Variants in BTBD8 observed in about 807,000 individuals in gnomAD.
The protein encoded by BTBD8 is BTB/POZ domain-containing protein 8.
In BTBD8, 110 loss-of-function variants were observed where a neutral mutation model predicts 162.9. The observed-to-expected ratio is 0.68, with a 90% CI of 0.58 to 0.79. The LOEUF is 0.79. Among genes scored for constraint, BTBD8 ranks in the 30% least tolerant of loss-of-function variants. The pLI, the probability that BTBD8 is intolerant of heterozygous loss-of-function variation, is 0.00. For synonymous variants in BTBD8, 667 were observed against 716.1 expected (o/e 0.93, Z 1.10); for missense variants, 1,905 against 2,085.4 (o/e 0.91, Z 1.68).
intron 9 of BTBD8, among the ~76,000 whole-genome samples, chr1:92,165,675 G>T (rs1352883261): frequency 1.3e-5 from 2 of 152,154 alleles, no homozygotes; most frequent in African/African-American, 2.4e-5. Flanking sequence ...TGATTCTTCT[G>T]CTGGTCTTGC....
At chr1:92,154,005 G>T (rs1244011298) in intron 9 of BTBD8, among the ~76,000 whole-genome samples, 4 of 152,176 alleles carry the variant, frequency 2.6e-5, no homozygotes, top group Non-Finnish European at 5.9e-5. Flanking sequence ...CATCCCCATG[G>T]TGATGAGTGA....
chr1:92,126,762 C>T (rs375937666), intron 4 of BTBD8, among the ~76,000 whole-genome samples: 2 of 152,164 alleles, frequency 1.3e-5, no homozygotes, highest in South Asian at 4.1e-4. Flanking sequence ...CAGATCCCAG[C>T]ATCAGTTGAA....
At chr1:92,164,147 CTT>C (rs1193358574) in intron 9 of BTBD8, among the ~76,000 whole-genome samples, 2 of 152,148 alleles carry the variant, frequency 1.3e-5, no homozygotes, top group Non-Finnish European at 2.9e-5. Context: ...CAAAGTATGA[CTT>C]TTTAAAATTT....
At chr1:92,102,396 C>T in intron 2 of BTBD8, 77 bp from the exon 3 acceptor site, 1 of 1,131,554 alleles carries the variant, frequency 8.8e-7, no homozygotes, top group Non-Finnish European at 1.2e-6. Flanking sequence ...GAAAGTAGCA[C>T]ACTAAGGAAA....
chr1:92,169,046 G>GCTGT, intron 12 of BTBD8, 51 bp downstream of exon 12: 1 of 1,441,962 alleles, frequency 6.9e-7, no homozygotes, highest in South Asian at 1.5e-5. Flanking sequence ...CATTGTGACA[G>GCTGT]CAGATATTTT....
intron 9 of BTBD8, among the ~76,000 whole-genome samples, chr1:92,160,935 C>T (rs538071595): frequency 6.6e-6 from 1 of 152,284 alleles, no homozygotes; most frequent in African/African-American, 2.4e-5. Context: ...AGACAGAAAT[C>T]AGTCATCTAG....
chr1:92,144,629 G>C (rs1483006201), intron 7 of BTBD8, among the ~76,000 whole-genome samples: 1 of 151,744 alleles, frequency 6.6e-6, no homozygotes, highest in African/African-American at 2.4e-5. Flanking sequence ...GTAACAGAGG[G>C]AGATCCTGTC....
Position 92,139,326 on chromosome 1 carries a change from TTTGAG to T in BTBD8, c.753-21_753-17del, listed in dbSNP as rs1481230413. ...ATATCAGTTAAACCTTAATTCTGGA[TTTGAG>T]TTTTCTTTTATTTTTCAGTATAAGC... On this transcript the variant is annotated intron_variant, in intron 5 of 17. Coordinates refer to ENST00000636805, the MANE Select transcript of BTBD8 (RefSeq NM_001376131.1). 2 of 1,548,320 alleles carry T rather than the reference TTTGAG, an allele frequency of 1.3e-6. No homozygotes were observed. Among genetic ancestry groups the T allele is most frequent in the Admixed American group, 4.7e-5 (2 of 42,652 alleles).
intron 2 of BTBD8, among the ~76,000 whole-genome samples, chr1:92,100,442 G>A (rs998488970): frequency 1.3e-5 from 2 of 151,842 alleles, no homozygotes; most frequent in Admixed American, 6.6e-5. Context: ...CAAGCTATCT[G>A]GTTCTGTTTT....
intron 6 of BTBD8, chr1:92,139,939 A>C (rs1649730478): frequency 8.2e-6 from 1 of 122,430 alleles, no homozygotes; most frequent in African/African-American, 3.5e-5. Context: ...ATACAAAAAA[A>C]AAAAAAAAAA....
rs775935060 is a variant in BTBD8, at chr1:92,177,890, A to G, written c.2433A>G (p.Val811=). 1 of 1,501,594 alleles carries G rather than the reference A, an allele frequency of 6.7e-7. No homozygotes were observed. The highest frequency in any genetic ancestry group is 1.2e-5 in the South Asian group (1 of 82,724). The allele number at this position is 1,501,594 out of a possible 1,614,324, so 93.0% of individuals were successfully genotyped here. A position where few individuals can be genotyped will look rare whatever the true frequency, so the allele number is the denominator to read the frequency against. Residue 811 remains valine, a synonymous_variant, in exon 15 of 18, where the codon GTA becomes GTG. Transcript: ENST00000636805. ...KKSIHEQDTN[V]NNSVLKKVSG... ...GTATTCATGAACAAGACACTAATGTAAATAACAGGTAGGTCTTCATTCAGT... is the reference window on the plus strand; with the variant it reads ...GTATTCATGAACAAGACACTAATGTGAATAACAGGTAGGTCTTCATTCAGT...
At position 92,184,524 on chromosome 1, in the gene BTBD8, T is replaced by A; in HGVS notation, c.*194T>A. On this transcript the variant is annotated 3_prime_UTR_variant, in exon 18 of 18. Coordinates refer to ENST00000636805, the MANE Select transcript of BTBD8 (RefSeq NM_001376131.1). Reference sequence around the variant, plus strand: ...TTTTTCTAAAGTTTTTGAGCATGTTTTCTCTAATTATTAGAGAAATTAGAA... The same window carrying A: ...TTTTTCTAAAGTTTTTGAGCATGTTATCTCTAATTATTAGAGAAATTAGAA... The A allele has an allele frequency of 2.4e-6, 1 of 412,902 alleles. No individual in the cohort carries two copies. The highest frequency in any genetic ancestry group is 6.1e-5 in the South Asian group (1 of 16,450). The allele number at this position is 412,902 out of a possible 1,614,324, so 25.6% of individuals were successfully genotyped here. A position where few individuals can be genotyped will look rare whatever the true frequency, so the allele number is the denominator to read the frequency against.
At chr1:92,104,314 A>G (rs1296665503) in intron 3 of BTBD8, among the ~76,000 whole-genome samples, 1 of 152,206 alleles carries the variant, frequency 6.6e-6, no homozygotes, top group Admixed American at 6.5e-5. Flanking sequence ...ATTACAGTCA[A>G]CATATCTAAT....
Position 92,088,935 on chromosome 1 carries a change from TGC to T in BTBD8, c.347+41_347+42del, listed in dbSNP as rs765184822. ...TATCCATGTAAGTCTAATATGTAAT[TGC>T]TTATTTTTAACATGTATGTTTTTAT... On this transcript the variant is annotated intron_variant, in intron 2 of 17. Transcript: ENST00000636805. 2.7e-6 allele frequency: 4 copies of T among 1,470,106 alleles called. No homozygotes were observed. In the African/African-American group the frequency reaches 5.7e-5, roughly 21 times the overall value. 91.1% of individuals were successfully genotyped at this position (1,470,106 alleles called of 1,614,324 possible).
chr1:92,104,365 C>T (rs1648672335), intron 3 of BTBD8, among the ~76,000 whole-genome samples: 1 of 152,092 alleles, frequency 6.6e-6, no homozygotes, highest in Non-Finnish European at 1.5e-5. Context: ...TGAGGTAGAT[C>T]ATTCATATGC....
In BTBD8 at chr1:92,158,613, A is replaced by G. The variant is rs141906613; in HGVS notation, c.1123-8345A>G. 4.0e-4 allele frequency among the ~76,000 whole-genome samples: 61 copies of G among 152,292 alleles called. No individual in the cohort carries two copies. The East Asian group carries it at 0.012, about 29-fold the overall frequency. On this transcript the variant is annotated intron_variant, in intron 9 of 17. Coordinates refer to ENST00000636805, the MANE Select transcript of BTBD8 (RefSeq NM_001376131.1). ...TTAATGCATTTATCTTTTAGCTTATATGCAAAAATTAAAAGTGATTAATTC... is the reference window on the plus strand; with the variant it reads ...TTAATGCATTTATCTTTTAGCTTATGTGCAAAAATTAAAAGTGATTAATTC...
At chr1:92,117,158 C>G (rs1180244153) in intron 4 of BTBD8, among the ~76,000 whole-genome samples, 1 of 151,874 alleles carries the variant, frequency 6.6e-6, no homozygotes, top group Non-Finnish European at 1.5e-5. Flanking sequence ...CCCTAAAATG[C>G]TTTGTCTGTT....
At position 92,180,389 on chromosome 1, in the gene BTBD8, C is replaced by A; in HGVS notation, c.2706C>A (p.Val902=). 1 of 1,551,454 alleles carries A rather than the reference C, an allele frequency of 6.4e-7. No homozygotes were observed. The highest frequency in any genetic ancestry group is 1.2e-5 in the South Asian group (1 of 83,994). The change falls in exon 17 of 18, where the codon GTC becomes GTA. Residue 902 remains valine (V), a synonymous_variant. Transcript: ENST00000636805. ...AACAAGCACCTAAGAGAAAAATGGT[C>A]AAGCAAGTACACACAGCTTTGCCTA... ...TEKQAPKRKM[V]KQVHTALPKV...
intron 5 of BTBD8, among the ~76,000 whole-genome samples, chr1:92,130,539 TACACACACACAC>T (rs59796834): frequency 2.3e-5 from 3 of 131,194 alleles, no homozygotes; most frequent in South Asian, 5.2e-4. Flanking sequence ...TATATATATT[TACACACACACAC>T]ACACACACAC....
Sources: allele counts gnomAD v4.1 joint callset (sites outside exome capture counted in the v4.1 genomes callset), GRCh38; gene constraint gnomAD v4.1.1; transcripts MANE v1.5; gene names NCBI Gene and HGNC (gene_info 2026-07-23, HGNC 2026-07-21).